Variants in TSHZ3 observed in about 807,000 individuals in gnomAD.
TSHZ3 encodes the protein teashirt homolog 3.
Under a neutral mutation model 64.5 loss-of-function variants are expected in TSHZ3, and 10 were observed. That is an observed-to-expected ratio of 0.16 (90% CI 0.10 to 0.26). The LOEUF (loss-of-function observed/expected upper bound fraction) is 0.26, where lower values mean the gene tolerates loss of function less well. Ranked by LOEUF, TSHZ3 falls within the 10% of genes least tolerant of loss-of-function variation. TSHZ3 has a pLI of 1.00. For synonymous variants in TSHZ3, 608 were observed against 593.1 expected, an observed-to-expected ratio of 1.03 and a Z score of -0.36; for missense variants, 1,242 against 1,421.7, an observed-to-expected ratio of 0.87 and a Z score of 2.03.
chr19:31,293,023 A>G (rs1383647565), intron 1 of TSHZ3, among the ~76,000 whole-genome samples: 1 of 147,210 alleles, frequency 6.8e-6, no homozygotes, highest in African/African-American at 2.5e-5. Flanking sequence ...GTATCCATCC[A>G]TCCAAAAATC....
At chr19:31,271,153 G>T (rs558155792), downstream of TSHZ3, among the ~76,000 whole-genome samples, 3 of 152,202 alleles carry the variant, frequency 2.0e-5, no homozygotes, top group South Asian at 6.2e-4. Flanking sequence ...CAACAATTTG[G>T]CTAATCTATT....
At position 31,276,446 on chromosome 19, in the gene TSHZ3, A is replaced by G. The variant is rs2145210439; in HGVS notation, c.*101T>C. 5.2e-6 allele frequency: 6 copies of G among 1,158,076 alleles called. No homozygotes were observed. Among genetic ancestry groups the G allele is most frequent in the Non-Finnish European group, 4.9e-6 (4 of 812,274 alleles). 71.7% of individuals were successfully genotyped at this position (1,158,076 alleles called of 1,614,324 possible). On this transcript the variant is annotated 3_prime_UTR_variant, in exon 2 of 2. Coordinates refer to ENST00000240587, the MANE Select transcript of TSHZ3 (RefSeq NM_020856.4). ...CCCAGAGTGATTCTCTGCAGTTAAA[A>G]TAAGAACATGTGCCAAGAACAACAA... is the stretch of plus-strand genomic sequence containing the variant.
chr19:31,174,807 A>G (rs1974585274), intron 5 of TSHZ3, among the ~76,000 whole-genome samples: 1 of 152,206 alleles, frequency 6.6e-6, no homozygotes, highest in Non-Finnish European at 1.5e-5. Flanking sequence ...AGAAGGAGCC[A>G]GGGGGCTGAA....
chr19:31,176,456 A>G (rs954427263), intron 5 of TSHZ3, among the ~76,000 whole-genome samples: 3 of 152,214 alleles, frequency 2.0e-5, no homozygotes, highest in African/African-American at 4.8e-5. Flanking sequence ...CCATGAACCT[A>G]TGAAAATCTG....
chr19:31,204,936 G>A (rs1245850773), intron 5 of TSHZ3: 1 of 152,278 alleles, frequency 6.6e-6, no homozygotes, highest in Non-Finnish European at 1.5e-5. Flanking sequence ...CACACACCAT[G>A]TAGATAAGTT....
chr19:31,193,752 C>T (rs777760097), intron 5 of TSHZ3, among the ~76,000 whole-genome samples: 1 of 152,038 alleles, frequency 6.6e-6, no homozygotes, highest in Non-Finnish European at 1.5e-5. Flanking sequence ...TGGAGAAATG[C>T]ATTATTTTCT....
At chr19:31,212,514 CA>C (rs1352726319) in intron 4 of TSHZ3, among the ~76,000 whole-genome samples, 3 of 152,074 alleles carry the variant, frequency 2.0e-5, no homozygotes, top group Admixed American at 6.6e-5. Flanking sequence ...TATGTATCAT[CA>C]GGGGAATTAA....
In TSHZ3 at chr19:31,193,403, G is replaced by A. The variant is rs547934206; in HGVS notation, n.809+11553C>T. ...TGGCCATGTCCCCAGATGCCCACTG[G>A]ATGGTGGCTGTCTTGATGGATGAGG... On this transcript the variant is annotated intron_variant and non_coding_transcript_variant, in intron 5 of 6. Transcript: ENST00000651361. Among the ~76,000 whole-genome samples, 29 of 152,118 alleles carry A rather than the reference G, an allele frequency of 1.9e-4. 1 individual carries two copies. Among genetic ancestry groups the A allele is most frequent in the South Asian group, 6.2e-4 (3 of 4,832 alleles).
chr19:31,158,337 G>T (rs539533022), intron 5 of TSHZ3, among the ~76,000 whole-genome samples: 2 of 152,178 alleles, frequency 1.3e-5, no homozygotes, highest in Admixed American at 1.3e-4. Flanking sequence ...GATCATGTTT[G>T]GTATACCAGT....
chr19:31,250,776 T>A (rs1354107558), intron 1 of TSHZ3, among the ~76,000 whole-genome samples: 1 of 152,206 alleles, frequency 6.6e-6, no homozygotes, highest in Non-Finnish European at 1.5e-5. Flanking sequence ...GTAGAGGTAC[T>A]GCTTAGCACT....
chr19:31,337,734 C>A (rs1917294377), intron 1 of TSHZ3, among the ~76,000 whole-genome samples: 1 of 151,660 alleles, frequency 6.6e-6, no homozygotes, highest in Non-Finnish European at 1.5e-5. Context: ...CACACACACA[C>A]ACACACACAC....
chr19:31,318,633 G>A (rs962452282), intron 1 of TSHZ3, among the ~76,000 whole-genome samples: 2 of 151,814 alleles, frequency 1.3e-5, no homozygotes, highest in African/African-American at 4.8e-5. Flanking sequence ...GTAATTTTTA[G>A]TATCATGAAT....
chr19:31,258,100 C>T (rs1264771218), intron 1 of TSHZ3, among the ~76,000 whole-genome samples: 1 of 152,156 alleles, frequency 6.6e-6, no homozygotes, highest in African/African-American at 2.4e-5. Flanking sequence ...ACAAGCATCC[C>T]AGGCTTATTC....
At chr19:31,225,855 G>A (rs1429659143) in intron 4 of TSHZ3, among the ~76,000 whole-genome samples, 7 of 152,106 alleles carry the variant, frequency 4.6e-5, no homozygotes, top group African/African-American at 1.4e-4. Flanking sequence ...AGCTGGGCAC[G>A]GTGGCTCATG....
intron 5 of TSHZ3, among the ~76,000 whole-genome samples, chr19:31,183,562 T>C (rs372278491): frequency 6.6e-6 from 1 of 152,194 alleles, no homozygotes; most frequent in East Asian, 1.9e-4. Flanking sequence ...ACTCTAAAAT[T>C]GGAAGGCCAC....
intron 5 of TSHZ3, among the ~76,000 whole-genome samples, chr19:31,173,059 T>C (rs1341539537): frequency 1.3e-5 from 2 of 152,238 alleles, no homozygotes; most frequent in East Asian, 3.8e-4. Flanking sequence ...TGTAGGGCTC[T>C]TGAGCTGAGA....
In TSHZ3 at chr19:31,349,300, G is replaced by C; in HGVS notation, c.-81C>G. On this transcript the variant is annotated 5_prime_UTR_variant, in exon 1 of 2. Transcript: ENST00000240587. ...CAGGGAGGGAGGGGGCGGCGGGCCC[G>C]CGGGGGGGCGAGGCGGGCCTGCTCT... is the stretch of plus-strand genomic sequence containing the variant. 4.3e-6 allele frequency: 6 copies of C among 1,399,136 alleles called. No homozygotes were observed. The highest frequency in any genetic ancestry group is 4.7e-6 in the Non-Finnish European group (5 of 1,061,078). 86.7% of individuals were successfully genotyped at this position (1,399,136 alleles called of 1,614,324 possible).
chr19:31,258,823 G>A (rs969629785), intron 1 of TSHZ3, among the ~76,000 whole-genome samples: 2 of 152,140 alleles, frequency 1.3e-5, no homozygotes, highest in African/African-American at 4.8e-5. Flanking sequence ...GGCTTCCCCT[G>A]GGCCCTAGGG....
chr19:31,198,706 G>C (rs1458893427), intron 5 of TSHZ3, among the ~76,000 whole-genome samples: 1 of 151,960 alleles, frequency 6.6e-6, no homozygotes, highest in Non-Finnish European at 1.5e-5. Flanking sequence ...GAAATACATA[G>C]ATATAATAAA....
Sources: gnomAD v4.1 joint callset for allele counts (sites outside exome capture counted in the v4.1 genomes callset) on GRCh38, gnomAD v4.1.1 for gene constraint, MANE v1.5 for transcripts, NCBI Gene and HGNC (gene_info 2026-07-23, HGNC 2026-07-21) for gene names.